Variants in ARID2 observed in about 807,000 individuals in gnomAD.
ARID2 encodes AT-rich interaction domain 2, also known as AT-rich interactive domain-containing protein 2.
A neutral mutation model predicts 184.6 loss-of-function variants in ARID2; 32 were observed. The observed-to-expected ratio is 0.17, with a 90% CI of 0.13 to 0.23. The LOEUF is 0.23. ARID2 is among the 10% of genes least tolerant of loss of function. ARID2 has a pLI of 1.00. For missense variants in ARID2, 1,696 were observed against 2,197.6 expected (o/e 0.77, Z 4.56); for synonymous variants, 836 against 772.6 (o/e 1.08, Z -1.36).
chr12:45,816,311 TTC>T (rs1416301047), intron 4 of ARID2, among the ~76,000 whole-genome samples: 2 of 152,164 alleles, frequency 1.3e-5, no homozygotes, highest in East Asian at 3.8e-4. Flanking sequence ...AAATTAAAAT[TTC>T]TGTTTAAAGA....
At chr12:45,877,811 T>G (rs1944035144) in intron 16 of ARID2, among the ~76,000 whole-genome samples, 1 of 152,236 alleles carries the variant, frequency 6.6e-6, no homozygotes, top group African/African-American at 2.4e-5. Flanking sequence ...TTCTATTGAT[T>G]TCTTCTCTAA....
At chr12:45,738,460 G>A (rs1171307395) in intron 3 of ARID2, among the ~76,000 whole-genome samples, 4 of 152,024 alleles carry the variant, frequency 2.6e-5, no homozygotes, top group African/African-American at 4.8e-5. Flanking sequence ...AATTACAGGC[G>A]TGTGCCACCA....
intron 3 of ARID2, among the ~76,000 whole-genome samples, chr12:45,793,815 C>T (rs1942338415): frequency 6.7e-6 from 1 of 149,114 alleles, no homozygotes; most frequent in African/African-American, 2.5e-5. Flanking sequence ...TAGTGCAGGT[C>T]TGCTGGTTTT....
chr12:45,737,034 TAAC>T (rs931222022), intron 3 of ARID2, among the ~76,000 whole-genome samples: 3 of 152,182 alleles, frequency 2.0e-5, no homozygotes, highest in Admixed American at 6.5e-5. Flanking sequence ...ATAAAAGAAA[TAAC>T]AAACTTTTTT....
At chr12:45,797,451 C>G (rs1198846566) in intron 3 of ARID2, among the ~76,000 whole-genome samples, 1 of 152,146 alleles carries the variant, frequency 6.6e-6, no homozygotes, top group Non-Finnish European at 1.5e-5. Context: ...CTAGGCTGGT[C>G]TTGAACTCCT....
intron 20 of ARID2, among the ~76,000 whole-genome samples, chr12:45,895,666 C>G (rs1369952694): frequency 6.6e-6 from 1 of 152,174 alleles, no homozygotes; most frequent in African/African-American, 2.4e-5. Context: ...TCTCGAGTAG[C>G]TGGGATTATC....
At chr12:45,858,624 G>C (rs576248203) in intron 15 of ARID2, among the ~76,000 whole-genome samples, 3 of 152,234 alleles carry the variant, frequency 2.0e-5, no homozygotes, top group South Asian at 4.1e-4. Context: ...TCTTGAGCTA[G>C]GCTTCTCATT....
intron 5 of ARID2, among the ~76,000 whole-genome samples, chr12:45,820,705 T>C (rs994355273): frequency 2.0e-5 from 3 of 152,186 alleles, no homozygotes; most frequent in African/African-American, 7.2e-5. Flanking sequence ...TGCTTTATAG[T>C]CTGATCCCAT....
chr12:45,852,679 C>T lies in ARID2; in HGVS notation c.4556C>T (p.Ala1519Val), dbSNP rs768240113. The T allele has an allele frequency of 6.2e-7, 1 of 1,614,162 alleles. No homozygotes were observed. Among genetic ancestry groups the T allele is most frequent in the South Asian group, 1.1e-5 (1 of 91,078 alleles). Residue 1519 changes from alanine (A) to valine (V), a missense_variant, in exon 15 of 21, where the codon GCA (alanine) becomes GTA (valine). Physicochemically the swap from Ala to Val is moderately conservative, Grantham distance 64 (BLOSUM62 0). Transcript: ENST00000334344. ...TAECKTVKRPAEDTDRETVAG... is the reference protein window; with the variant it reads ...TAECKTVKRPVEDTDRETVAG... ...GAATGCAAAACTGTAAAGAGGCCAG[C>T]AGAGGATACTGATAGGGAAACAGTC...
intron 3 of ARID2, among the ~76,000 whole-genome samples, chr12:45,771,214 C>T (rs1003283522): frequency 3.9e-5 from 6 of 152,040 alleles, no homozygotes; most frequent in Admixed American, 6.6e-5. Flanking sequence ...AAAAATTACC[C>T]GGGCGTGGTG....
Position 45,821,493 on chromosome 12 carries a change from T to C in ARID2, c.705+6T>C. The C allele has an allele frequency of 4.1e-6, 6 of 1,476,018 alleles. No individual in the cohort carries two copies. Among genetic ancestry groups the C allele is most frequent in the Non-Finnish European group, 5.4e-6 (6 of 1,112,450 alleles). 91.4% of individuals were successfully genotyped at this position (1,476,018 alleles called of 1,614,324 possible). The stretch of plus-strand genomic sequence containing the variant: ...CTGATAGAGACTTCGTTAAGGTAAA[T>C]CATTTTAATTAAAATGTTGATTCAT... On this transcript the variant is annotated splice_donor_region_variant and intron_variant, in intron 6 of 20. Coordinates refer to ENST00000334344, the MANE Select transcript of ARID2 (RefSeq NM_152641.4).
At chr12:45,755,898 C>G (rs950193430) in intron 3 of ARID2, 3 of 168,538 alleles carry the variant, frequency 1.8e-5, no homozygotes, top group Non-Finnish European at 4.4e-5. Flanking sequence ...CTTCAGAGTT[C>G]TTTAGAATAC....
At chr12:45,771,501 CAA>C (rs60579820) in intron 3 of ARID2, among the ~76,000 whole-genome samples, 7 of 123,144 alleles carry the variant, frequency 5.7e-5, no homozygotes, top group Non-Finnish European at 7.3e-5. Flanking sequence ...TCTGTTTTTA[CAA>C]AAAAAAAAAA....
At chr12:45,864,536 A>G (rs1354448884) in intron 16 of ARID2, among the ~76,000 whole-genome samples, 1 of 150,222 alleles carries the variant, frequency 6.7e-6, no homozygotes, top group East Asian at 1.9e-4. Context: ...AAAAAAAAAC[A>G]GGTTAATTTG....
At chr12:45,761,267 A>G (rs1311446090) in intron 3 of ARID2, among the ~76,000 whole-genome samples, 1 of 152,180 alleles carries the variant, frequency 6.6e-6, no homozygotes, top group Non-Finnish European at 1.5e-5. Flanking sequence ...TTAATTATTT[A>G]TTCTTATGAA....
chr12:45,810,542 G>A (rs1039390778), intron 3 of ARID2, among the ~76,000 whole-genome samples: 1 of 152,052 alleles, frequency 6.6e-6, no homozygotes, highest in African/African-American at 2.4e-5. Context: ...TATTGCTAGA[G>A]AACTATTTAA....
chr12:45,770,300 C>A (rs75368369), intron 3 of ARID2, among the ~76,000 whole-genome samples: 1 of 151,946 alleles, frequency 6.6e-6, no homozygotes. Context: ...TATTCCCAGA[C>A]AGATAAACAA....
At chr12:45,867,256 A>G (rs1043903555) in intron 16 of ARID2, among the ~76,000 whole-genome samples, 1 of 147,886 alleles carries the variant, frequency 6.8e-6, no homozygotes, top group African/African-American at 2.5e-5. Flanking sequence ...GCCTGTTGTT[A>G]CTTGTTTGTT....
intron 20 of ARID2, among the ~76,000 whole-genome samples, chr12:45,901,558 T>C (rs968203990): frequency 1.3e-5 from 2 of 152,140 alleles, no homozygotes; most frequent in Non-Finnish European, 2.9e-5. Context: ...TCTTCTCATC[T>C]CTCTGAGGAT....
Sources: gnomAD v4.1 joint callset for allele counts (sites outside exome capture counted in the v4.1 genomes callset) on GRCh38, gnomAD v4.1.1 for gene constraint, MANE v1.5 for transcripts, NCBI Gene and HGNC (gene_info 2026-07-23, HGNC 2026-07-21) for gene names.